PDSS2: variants seen among roughly 807,000 people sequenced by gnomAD.
The protein encoded by PDSS2 is all trans-polyprenyl-diphosphate synthase PDSS2.
A neutral mutation model predicts 44.5 loss-of-function variants in PDSS2; 31 were observed. That is an observed-to-expected ratio of 0.70 (90% confidence interval 0.52 to 0.94). The LOEUF is 0.94. Among genes scored for constraint, PDSS2 ranks in the 40% least tolerant of loss-of-function variants. PDSS2 has a pLI of 0.00. For missense variants in PDSS2, 452 were observed against 482.2 expected, an observed-to-expected ratio of 0.94 and a Z score of 0.59; for synonymous variants, 157 against 180.3, an observed-to-expected ratio of 0.87 and a Z score of 1.03.
At chr6:107,406,786 G>A (rs1780334192) in intron 1 of PDSS2, among the ~76,000 whole-genome samples, 1 of 152,202 alleles carries the variant, frequency 6.6e-6, no homozygotes, top group Non-Finnish European at 1.5e-5. Flanking sequence ...GAACCAGGCT[G>A]GAAATCACTA....
intron 2 of PDSS2, among the ~76,000 whole-genome samples, chr6:107,285,739 A>C (rs1036406259): frequency 3.3e-5 from 5 of 152,236 alleles, no homozygotes; most frequent in African/African-American, 1.2e-4. Context: ...TGGATTAACC[A>C]TCTAACTGTG....
chr6:107,420,100 C>T (rs952084978), intron 1 of PDSS2, among the ~76,000 whole-genome samples: 1 of 152,178 alleles, frequency 6.6e-6, no homozygotes, highest in Non-Finnish European at 1.5e-5. Flanking sequence ...CAAAGCCATC[C>T]TAAATGCTCT....
chr6:107,198,340 A>G (rs1314534937), intron 6 of PDSS2, among the ~76,000 whole-genome samples: 1 of 152,222 alleles, frequency 6.6e-6, no homozygotes, highest in Non-Finnish European at 1.5e-5. Context: ...GTAGAAGCCT[A>G]CATAAAATGA....
At chr6:107,400,713 T>G (rs772440904) in intron 1 of PDSS2, among the ~76,000 whole-genome samples, 4 of 152,184 alleles carry the variant, frequency 2.6e-5, no homozygotes, top group Non-Finnish European at 5.9e-5. Flanking sequence ...GTGGTTGTCC[T>G]ACTGCTCCCT....
At chr6:107,222,394 C>T (rs1773637548) in intron 4 of PDSS2, among the ~76,000 whole-genome samples, 1 of 152,110 alleles carries the variant, frequency 6.6e-6, no homozygotes. Context: ...GTAGCTCACA[C>T]TTGTAATCCC....
At chr6:107,265,309 A>C (rs1202573212) in intron 3 of PDSS2, among the ~76,000 whole-genome samples, 2 of 152,186 alleles carry the variant, frequency 1.3e-5, no homozygotes, top group Non-Finnish European at 2.9e-5. Flanking sequence ...GCCCCATGAG[A>C]AGTACAGAGA....
At chr6:107,227,083 G>A (rs1226216408) in intron 4 of PDSS2, among the ~76,000 whole-genome samples, 2 of 151,606 alleles carry the variant, frequency 1.3e-5, no homozygotes, top group East Asian at 1.9e-4. Flanking sequence ...GGGTTCAAGC[G>A]AATCTCCTGC....
intron 2 of PDSS2, among the ~76,000 whole-genome samples, chr6:107,316,351 A>T (rs995758006): frequency 6.6e-6 from 1 of 152,184 alleles, no homozygotes; most frequent in Non-Finnish European, 1.5e-5. Context: ...TCTGTAAAAT[A>T]TAATAAACTT....
intron 1 of PDSS2, among the ~76,000 whole-genome samples, chr6:107,390,210 G>A (rs936557755): frequency 6.6e-6 from 1 of 152,108 alleles, no homozygotes; most frequent in African/African-American, 2.4e-5. Flanking sequence ...CAGAGGATGA[G>A]GTATGGGGAT....
intron 6 of PDSS2, among the ~76,000 whole-genome samples, chr6:107,195,324 T>TA (rs1248259833): frequency 8.6e-5 from 13 of 150,990 alleles, no homozygotes; most frequent in East Asian, 3.9e-4. Flanking sequence ...CTACAAAAAA[T>TA]AAAAAAAATT....
chr6:107,255,514 G>A (rs1261395366), intron 3 of PDSS2, among the ~76,000 whole-genome samples: 1 of 151,060 alleles, frequency 6.6e-6, no homozygotes, highest in East Asian at 1.9e-4. Flanking sequence ...CCCGGGAATC[G>A]CTTGAACCCA....
chr6:107,164,614 C>T (rs1301637299), intron 7 of PDSS2, among the ~76,000 whole-genome samples: 2 of 152,122 alleles, frequency 1.3e-5, no homozygotes, highest in Non-Finnish European at 2.9e-5. Context: ...GTGAATAGTG[C>T]CGCAATAAAC....
chr6:107,233,156 G>C (rs902430836), intron 4 of PDSS2, among the ~76,000 whole-genome samples: 1 of 152,082 alleles, frequency 6.6e-6, no homozygotes, highest in African/African-American at 2.4e-5. Context: ...TATCTTCTAA[G>C]GACTCAGCTT....
chr6:107,158,685 T>C (rs907465664), intron 7 of PDSS2, among the ~76,000 whole-genome samples: 1 of 152,114 alleles, frequency 6.6e-6, no homozygotes, highest in Non-Finnish European at 1.5e-5. Flanking sequence ...AGATTCAAAC[T>C]CCTATCCTAG....
At chr6:107,362,772 A>G (rs1486473104) in intron 1 of PDSS2, among the ~76,000 whole-genome samples, 2 of 152,224 alleles carry the variant, frequency 1.3e-5, no homozygotes, top group Non-Finnish European at 2.9e-5. Flanking sequence ...ACTAAAAACC[A>G]TATTTAAAGA....
At chr6:107,316,881 C>T (rs1777219913) in intron 2 of PDSS2, among the ~76,000 whole-genome samples, 1 of 152,154 alleles carries the variant, frequency 6.6e-6, no homozygotes. Context: ...TTATTCCTGG[C>T]TTTGAATTTT....
intron 7 of PDSS2, among the ~76,000 whole-genome samples, chr6:107,162,272 G>C (rs2114293274): frequency 6.6e-6 from 1 of 152,204 alleles, no homozygotes; most frequent in African/African-American, 2.4e-5. Flanking sequence ...CATGGGGGAT[G>C]GATCACTTGA....
intron 7 of PDSS2, among the ~76,000 whole-genome samples, chr6:107,186,267 CAATT>C (rs1379351648): frequency 6.6e-6 from 1 of 152,176 alleles, no homozygotes; most frequent in Admixed American, 6.5e-5. Flanking sequence ...AACAGGAACT[CAATT>C]AAAAAGTAAT....
chr6:107,342,238 G>C (rs1403132703), intron 1 of PDSS2, among the ~76,000 whole-genome samples: 1 of 151,518 alleles, frequency 6.6e-6, no homozygotes, highest in Non-Finnish European at 1.5e-5. Flanking sequence ...CAAGGAGTAG[G>C]CCAGCCAACT....
Sources: gnomAD v4.1 joint callset for allele counts (sites outside exome capture counted in the v4.1 genomes callset) on GRCh38, gnomAD v4.1.1 for gene constraint, MANE v1.5 for transcripts, NCBI Gene and HGNC (gene_info 2026-07-23, HGNC 2026-07-21) for gene names.